The following UNC13C variants were observed in gnomAD, a reference collection of about 807,000 sequenced individuals.
UNC13C encodes the protein unc-13 homolog C.
A neutral mutation model predicts 245.4 loss-of-function variants in UNC13C; 174 were observed. The ratio of observed to expected loss-of-function variants is 0.71; its 90% CI spans 0.63 to 0.80. The LOEUF is 0.80. UNC13C is among the 30% of genes least tolerant of loss of function. The pLI, the probability that UNC13C is intolerant of heterozygous loss-of-function variation, is 0.00. For synonymous variants in UNC13C, 992 were observed against 895.1 expected, an observed-to-expected ratio of 1.11 and a Z score of -1.93; for missense variants, 2,829 against 2,602.9, an observed-to-expected ratio of 1.09 and a Z score of -1.89.
Position 54,500,889 on chromosome 15 carries a change from G to C in UNC13C, c.5212G>C (p.Ala1738Pro), listed in dbSNP as rs1401235140. ...TTCTTGCTCCGTGGTTGATGTCTTT[G>C]CTCAGCTGAATCAGAGCTTTGAAAT... ...LFSCSVVDVF[A>P]QLNQSFEIIK... Residue 1738 changes from alanine to proline, a missense_variant, in exon 22 of 33, where the codon GCT (alanine) becomes CCT (proline). Coordinates refer to ENST00000260323, the MANE Select transcript of UNC13C (RefSeq NM_001080534.3). 1 of 1,612,944 alleles carries C rather than the reference G, an allele frequency of 6.2e-7. No homozygotes were observed. Among genetic ancestry groups the C allele is most frequent in the Non-Finnish European group, 8.5e-7 (1 of 1,179,244 alleles).
chr15:54,363,674 G>A (rs1168101174), intron 17 of UNC13C, among the ~76,000 whole-genome samples: 1 of 152,144 alleles, frequency 6.6e-6, no homozygotes, highest in African/African-American at 2.4e-5. Flanking sequence ...GAACTAATTG[G>A]AGGGGTGAGA....
At chr15:54,522,681 A>G (rs1328324202) in intron 24 of UNC13C, among the ~76,000 whole-genome samples, 1 of 152,200 alleles carries the variant, frequency 6.6e-6, no homozygotes, top group Non-Finnish European at 1.5e-5. Context: ...GAAATTCCCA[A>G]GCCCTTCGTA....
chr15:54,495,523 T>A (rs1022722554), intron 20 of UNC13C, among the ~76,000 whole-genome samples: 4 of 151,854 alleles, frequency 2.6e-5, no homozygotes, highest in African/African-American at 7.3e-5. Flanking sequence ...CTTTATAAAA[T>A]TTGCCAGGTT....
At chr15:54,553,050 C>A (rs1236376600) in intron 28 of UNC13C, among the ~76,000 whole-genome samples, 2 of 29,738 alleles carry the variant, frequency 6.7e-5, no homozygotes, top group African/African-American at 2.3e-4. Context: ...ATATTGTATT[C>A]TATATTACAA....
At chr15:54,090,990 A>T (rs1181536854) in intron 2 of UNC13C, among the ~76,000 whole-genome samples, 1 of 149,088 alleles carries the variant, frequency 6.7e-6, no homozygotes, top group Non-Finnish European at 1.5e-5. Context: ...GTGCACACTT[A>T]GCCTCAATTC....
At chr15:54,462,549 C>A (rs1437812083) in intron 19 of UNC13C, among the ~76,000 whole-genome samples, 1 of 152,226 alleles carries the variant, frequency 6.6e-6, no homozygotes, top group Non-Finnish European at 1.5e-5. Context: ...ACACTTTGAG[C>A]AACTGGCCAG....
At chr15:54,569,352 T>C (rs1897651734) in intron 30 of UNC13C, among the ~76,000 whole-genome samples, 1 of 152,100 alleles carries the variant, frequency 6.6e-6, no homozygotes, top group Non-Finnish European at 1.5e-5. Flanking sequence ...ATATAACATA[T>C]GCACATCCTC....
chr15:54,038,282 C>G (rs1298394921), intron 2 of UNC13C, among the ~76,000 whole-genome samples: 1 of 151,052 alleles, frequency 6.6e-6, no homozygotes, highest in Non-Finnish European at 1.5e-5. Flanking sequence ...CTGGCACGTG[C>G]AACAATGCCT....
chr15:54,105,643 C>A (rs1302452658), intron 2 of UNC13C, among the ~76,000 whole-genome samples: 2 of 77,634 alleles, frequency 2.6e-5, no homozygotes, highest in Non-Finnish European at 6.0e-5. Context: ...ATGAAAAAAA[C>A]ATTTCTACTA....
At chr15:54,483,887 A>T (rs1893264067) in intron 19 of UNC13C, among the ~76,000 whole-genome samples, 1 of 152,038 alleles carries the variant, frequency 6.6e-6, no homozygotes, top group South Asian at 2.1e-4. Context: ...TCACCTTTTT[A>T]CCTACCTTTT....
At chr15:54,229,142 T>C (rs2035478862) in intron 4 of UNC13C, among the ~76,000 whole-genome samples, 1 of 152,156 alleles carries the variant, frequency 6.6e-6, no homozygotes, top group South Asian at 2.1e-4. Context: ...AGTTCCAATG[T>C]TCCAACGCAA....
chr15:54,293,068 G>A (rs969730437), intron 10 of UNC13C, among the ~76,000 whole-genome samples: 8 of 151,498 alleles, frequency 5.3e-5, no homozygotes, highest in African/African-American at 1.9e-4. Flanking sequence ...ACTCATCCAT[G>A]AACCCTGAGA....
intron 17 of UNC13C, among the ~76,000 whole-genome samples, chr15:54,342,319 A>G (rs147321938): frequency 0.011 from 1,678 of 152,292 alleles, 24 homozygotes; most frequent in Non-Finnish European, 0.012. Context: ...TGACATATAT[A>G]GCTATTACTT....
intron 2 of UNC13C, among the ~76,000 whole-genome samples, chr15:54,071,120 C>T (rs542142236): frequency 6.6e-6 from 1 of 152,014 alleles, no homozygotes; most frequent in East Asian, 1.9e-4. Flanking sequence ...GAATGTTCAC[C>T]CCAAGTGGCA....
intron 19 of UNC13C, among the ~76,000 whole-genome samples, chr15:54,455,814 T>C (rs1046557353): frequency 2.0e-5 from 3 of 152,180 alleles, no homozygotes; most frequent in African/African-American, 7.2e-5. Flanking sequence ...TCCCATTCTG[T>C]GGGATGTCTG....
chr15:54,350,572 G>A (rs1426933566), intron 17 of UNC13C, among the ~76,000 whole-genome samples: 1 of 152,178 alleles, frequency 6.6e-6, no homozygotes, highest in African/African-American at 2.4e-5. Context: ...AGTAAAATAT[G>A]CTATATTTGT....
intron 19 of UNC13C, among the ~76,000 whole-genome samples, chr15:54,438,385 G>T (rs1198607582): frequency 3.3e-5 from 5 of 151,962 alleles, no homozygotes; most frequent in African/African-American, 1.2e-4. Context: ...CAAGAGAGCT[G>T]CATTTTAAAC....
chr15:53,927,313 G>T, the UNC13C span, among the ~76,000 whole-genome samples: 1 of 152,160 alleles, frequency 6.6e-6, no homozygotes, highest in Non-Finnish European at 1.5e-5. Context: ...TGCTATGCAG[G>T]GAATGGACTG....
chr15:53,940,096 G>A, the UNC13C span, among the ~76,000 whole-genome samples: 1 of 152,142 alleles, frequency 6.6e-6, no homozygotes, highest in Non-Finnish European at 1.5e-5. Context: ...ATTGGGGTTT[G>A]TTTATTGTAG....
Sources: gnomAD v4.1 joint callset for allele counts (sites outside exome capture counted in the v4.1 genomes callset) on GRCh38, gnomAD v4.1.1 for gene constraint, MANE v1.5 for transcripts, NCBI Gene and HGNC (gene_info 2026-07-23, HGNC 2026-07-21) for gene names.